The following GPHN variants were observed in gnomAD, a reference collection of about 807,000 sequenced individuals.
GPHN encodes the protein gephyrin.
GPHN carries 17 observed loss-of-function variants against 95.5 expected under a neutral mutation model. The ratio of observed to expected loss-of-function variants is 0.18; its 90% CI spans 0.12 to 0.27. The LOEUF (loss-of-function observed/expected upper bound fraction) is 0.27. Among genes scored for constraint, GPHN ranks in the 10% least tolerant of loss-of-function variants. GPHN has a pLI of 1.00. For missense variants in GPHN, 660 were observed against 978.1 expected (o/e 0.67, Z 4.34); for synonymous variants, 320 against 322.5 (o/e 0.99, Z 0.08).
the GPHN span, among the ~76,000 whole-genome samples, chr14:67,321,746 A>G: frequency 6.6e-6 from 1 of 152,158 alleles, no homozygotes; most frequent in Non-Finnish European, 1.5e-5. Flanking sequence ...CTGTCATGTC[A>G]CTGCTCAGAA....
the GPHN span, among the ~76,000 whole-genome samples, chr14:67,380,180 C>A: frequency 6.6e-6 from 1 of 152,188 alleles, no homozygotes; most frequent in Non-Finnish European, 1.5e-5. Flanking sequence ...GTTAATAAGA[C>A]CCTGGTCCCT....
At chr14:67,172,834 T>A (rs1168573331) in intron 21 of GPHN, among the ~76,000 whole-genome samples, 1 of 152,102 alleles carries the variant, frequency 6.6e-6, no homozygotes, top group African/African-American at 2.4e-5. Context: ...CTGCACAAAG[T>A]CTGGGATTCT....
At chr14:66,867,509 CT>C (rs548815489) in intron 4 of GPHN, among the ~76,000 whole-genome samples, 158 of 152,218 alleles carry the variant, frequency 1.0e-3, no homozygotes, top group Non-Finnish European at 1.5e-3. Context: ...GTGGATGTAA[CT>C]TTTATCCACT....
the GPHN span, chr14:67,392,854 C>A: frequency 6.2e-7 from 1 of 1,605,858 alleles, no homozygotes; most frequent in African/African-American, 1.3e-5. Flanking sequence ...AGGAGCCTGG[C>A]CAAGGGCAGC....
intron 1 of GPHN, among the ~76,000 whole-genome samples, chr14:66,531,099 C>T (rs1160691362): frequency 6.6e-6 from 1 of 151,788 alleles, no homozygotes; most frequent in Admixed American, 6.6e-5. Context: ...GCACCTGCCA[C>T]CATACCTGGC....
chr14:67,717,384 A>T, the GPHN span, among the ~76,000 whole-genome samples: 5 of 152,180 alleles, frequency 3.3e-5, no homozygotes, highest in South Asian at 1.0e-3. Context: ...GAGAAGGTAA[A>T]GTTTCTAAGG....
intron 17 of GPHN, among the ~76,000 whole-genome samples, chr14:67,124,048 G>A (rs534351977): frequency 6.6e-6 from 1 of 152,066 alleles, no homozygotes; most frequent in Non-Finnish European, 1.5e-5. Context: ...GTGGAAGCTG[G>A]TGTATTTTCA....
At chr14:67,225,829 C>A in the GPHN span, among the ~76,000 whole-genome samples, 3 of 152,080 alleles carry the variant, frequency 2.0e-5, no homozygotes, top group African/African-American at 7.2e-5. Context: ...TTCTCTCAGC[C>A]ATGATAACAA....
chr14:66,865,511 G>A (rs141376508), intron 4 of GPHN, among the ~76,000 whole-genome samples: 2 of 152,138 alleles, frequency 1.3e-5, no homozygotes, highest in East Asian at 3.9e-4. Context: ...AGAAAACCCT[G>A]AGAGATCAGG....
intron 8 of GPHN, among the ~76,000 whole-genome samples, chr14:66,927,715 T>C (rs2066556516): frequency 6.6e-6 from 1 of 152,164 alleles, no homozygotes; most frequent in South Asian, 2.1e-4. Flanking sequence ...GAACGTTCCT[T>C]CTATACCCAG....
intron 6 of GPHN, 34 bp from the exon 7 acceptor site, chr14:66,922,632 C>A: frequency 1.3e-6 from 2 of 1,561,500 alleles, no homozygotes; most frequent in Middle Eastern, 1.7e-4. Context: ...AAAAGTGCTT[C>A]ATCTTAATTT....
chr14:66,867,170 A>G (rs1287441787), intron 4 of GPHN, among the ~76,000 whole-genome samples: 1 of 152,182 alleles, frequency 6.6e-6, no homozygotes, highest in East Asian at 1.9e-4. Context: ...CCAAGAAAAG[A>G]TGTTCATTAG....
the GPHN span, among the ~76,000 whole-genome samples, chr14:67,659,552 A>T: frequency 6.6e-6 from 1 of 152,158 alleles, no homozygotes; most frequent in Non-Finnish European, 1.5e-5. Context: ...GGCCTGCCTT[A>T]AATAGAGCAG....
intron 1 of GPHN, among the ~76,000 whole-genome samples, 169 bp from the exon 2 acceptor site, chr14:66,680,935 TTAA>T (rs1313996756): frequency 6.6e-6 from 1 of 152,042 alleles, no homozygotes; most frequent in Non-Finnish European, 1.5e-5. Flanking sequence ...GTTTAGAATA[TTAA>T]TATTTGTTGC....
chr14:67,590,718 C>T, the GPHN span, among the ~76,000 whole-genome samples: 1 of 152,170 alleles, frequency 6.6e-6, no homozygotes, highest in Non-Finnish European at 1.5e-5. Flanking sequence ...GCAGTGAGCT[C>T]ATGGAGTTAA....
intron 4 of GPHN, among the ~76,000 whole-genome samples, chr14:66,853,238 G>A (rs755588423): frequency 6.6e-5 from 10 of 152,226 alleles, no homozygotes; most frequent in Non-Finnish European, 1.3e-4. Flanking sequence ...GTCAGATTTT[G>A]AAAACAACAG....
the GPHN span, chr14:67,199,191 A>C: frequency 2.5e-6 from 4 of 1,606,086 alleles, no homozygotes; most frequent in Non-Finnish European, 3.4e-6. Flanking sequence ...CAACACCCAC[A>C]TGCCAAAGGA....
At chr14:66,846,622 T>G (rs2062350201) in intron 4 of GPHN, among the ~76,000 whole-genome samples, 1 of 152,188 alleles carries the variant, frequency 6.6e-6, no homozygotes, top group Admixed American at 6.5e-5. Context: ...GTATTACAAC[T>G]TATCACAGCT....
intron 21 of GPHN, among the ~76,000 whole-genome samples, chr14:67,176,289 G>C (rs1230710565): frequency 6.6e-6 from 1 of 152,100 alleles, no homozygotes; most frequent in Non-Finnish European, 1.5e-5. Context: ...AGCATGAAGG[G>C]CTGTTGAGTT....
Sources: allele counts gnomAD v4.1 joint callset (sites outside exome capture counted in the v4.1 genomes callset), GRCh38; gene constraint gnomAD v4.1.1; transcripts MANE v1.5; gene names NCBI Gene and HGNC (gene_info 2026-07-23, HGNC 2026-07-21).